ARHGAP12: variants seen among roughly 807,000 people sequenced by gnomAD.
The protein encoded by ARHGAP12 is rho GTPase-activating protein 12.
Under a neutral mutation model 108.6 loss-of-function variants are expected in ARHGAP12, and 64 were observed. That is an observed-to-expected ratio of 0.59 (90% CI 0.48 to 0.73). The LOEUF is 0.73. ARHGAP12 is among the 30% of genes least tolerant of loss of function. ARHGAP12 has a pLI of 0.00. For missense variants in ARHGAP12, 940 were observed against 1,005.9 expected, an observed-to-expected ratio of 0.93 and a Z score of 0.89; for synonymous variants, 312 against 337.2, an observed-to-expected ratio of 0.93 and a Z score of 0.82.
chr10:31,894,174 T>C (rs1838577572), intron 3 of ARHGAP12, among the ~76,000 whole-genome samples: 1 of 152,166 alleles, frequency 6.6e-6, no homozygotes, highest in Non-Finnish European at 1.5e-5. Context: ...AGCATTCCCT[T>C]TGAAAACTGG....
intron 3 of ARHGAP12, among the ~76,000 whole-genome samples, chr10:31,885,129 A>G (rs377086822): frequency 1.3e-5 from 2 of 152,294 alleles, no homozygotes; most frequent in East Asian, 3.9e-4. Flanking sequence ...CATTTTTGAG[A>G]AAATGTCTAA....
At chr10:31,924,541 T>G (rs1410253477) in intron 1 of ARHGAP12, among the ~76,000 whole-genome samples, 5 of 152,232 alleles carry the variant, frequency 3.3e-5, no homozygotes, top group Non-Finnish European at 5.9e-5. Context: ...GCTTTTGAGA[T>G]TCACTCATGT....
intron 3 of ARHGAP12, among the ~76,000 whole-genome samples, chr10:31,890,358 A>G (rs2132398448): frequency 6.6e-6 from 1 of 152,354 alleles, no homozygotes; most frequent in Middle Eastern, 3.4e-3. Context: ...TGGAACTTCA[A>G]GCATATTTTA....
intron 3 of ARHGAP12, among the ~76,000 whole-genome samples, chr10:31,870,786 T>C (rs1837511148): frequency 6.6e-6 from 1 of 152,136 alleles, no homozygotes; most frequent in African/African-American, 2.4e-5. Context: ...TACCACCCTT[T>C]GTTTAACAAT....
chr10:31,845,863 G>A (rs1836441910), intron 6 of ARHGAP12, among the ~76,000 whole-genome samples: 1 of 152,084 alleles, frequency 6.6e-6, no homozygotes, highest in Admixed American at 6.6e-5. Context: ...TATCCATTTT[G>A]CAAATCTTTT....
intron 10 of ARHGAP12, among the ~76,000 whole-genome samples, chr10:31,827,690 C>A (rs1835668846): frequency 6.6e-6 from 1 of 151,808 alleles, no homozygotes; most frequent in Non-Finnish European, 1.5e-5. Flanking sequence ...ACTCGGGAGG[C>A]TGAGGCAGGA....
chr10:31,811,542 C>CTTTT (rs34453459), intron 15 of ARHGAP12, among the ~76,000 whole-genome samples: 1 of 136,004 alleles, frequency 7.4e-6, no homozygotes, highest in Non-Finnish European at 1.6e-5. Context: ...ATTTGCCAGG[C>CTTTT]TTTTTTTTTT....
rs777110210 is a variant in ARHGAP12 at position 31,861,454 on chromosome 10, G to A, written c.889C>T (p.Arg297Cys). The A allele has an allele frequency of 5.6e-6, 9 of 1,613,990 alleles. No individual in the cohort carries two copies. Among genetic ancestry groups the A allele is most frequent in the Non-Finnish European group, 7.6e-6 (9 of 1,180,020 alleles). Residue 297 changes from arginine (R) to cysteine (C), a missense_variant, in exon 4 of 20, where the codon CGT (arginine) becomes TGT (cysteine). Transcript: ENST00000344936. ...CTGATGCTTGCATCCCGAGTCCAAC[G>A]AGGAGGTTTCCAAGTTCTTTCCTGT... Reference protein sequence around the residue: ...GTQERTWKPPRWTRDASISKG... With the variant: ...GTQERTWKPPCWTRDASISKG...
intron 7 of ARHGAP12, among the ~76,000 whole-genome samples, chr10:31,840,922 CACTT>C (rs1186612637): frequency 6.6e-6 from 1 of 151,898 alleles, no homozygotes; most frequent in South Asian, 2.1e-4. Context: ...ATCCAAATCT[CACTT>C]AAGTATTTTT....
chr10:31,877,103 A>G (rs1416046719), intron 3 of ARHGAP12, among the ~76,000 whole-genome samples: 1 of 152,196 alleles, frequency 6.6e-6, no homozygotes, highest in African/African-American at 2.4e-5. Flanking sequence ...AATGAGAAAA[A>G]TCTGTGGCAG....
At chr10:31,839,849 C>A in intron 7 of ARHGAP12, 138 bp from the exon 8 acceptor site, 1 of 512,406 alleles carries the variant, frequency 2.0e-6, no homozygotes, top group Non-Finnish European at 3.2e-6. Context: ...CAGCTCCAAG[C>A]TAATAAGGTA....
rs1834806830 is a variant in ARHGAP12 at position 31,805,807 on chromosome 10, C to A, written c.*1851G>T. On this transcript the variant is annotated 3_prime_UTR_variant, in exon 20 of 20. Coordinates refer to ENST00000344936, the MANE Select transcript of ARHGAP12 (RefSeq NM_018287.7). Reference sequence around the variant, plus strand: ...TCCTGGTATACAATCACTAAATAAGCAAGATCTAAAGCATATTGTATTATT... The same window carrying A: ...TCCTGGTATACAATCACTAAATAAGAAAGATCTAAAGCATATTGTATTATT... 6.6e-6 allele frequency: 1 copy of A among 152,156 alleles called. No individual in the cohort carries two copies. Among genetic ancestry groups the A allele is most frequent in the South Asian group, 2.1e-4 (1 of 4,804 alleles). The allele number at this position is 152,156 out of a possible 1,614,324, so 9.4% of individuals were successfully genotyped here. A position where few individuals can be genotyped will look rare whatever the true frequency, so the allele number is the denominator to read the frequency against.
chr10:31,864,283 G>GA (rs1436587597), intron 3 of ARHGAP12, among the ~76,000 whole-genome samples: 6 of 151,930 alleles, frequency 3.9e-5, no homozygotes, highest in Non-Finnish European at 8.8e-5. Context: ...TGACAAATTA[G>GA]AAAATATAAC....
intron 3 of ARHGAP12, among the ~76,000 whole-genome samples, chr10:31,873,854 A>G: frequency 6.6e-6 from 1 of 152,258 alleles, no homozygotes. Flanking sequence ...TGGTCAGTAA[A>G]GCAAAGAAAA....
chr10:31,893,365 CAA>C (rs964847963), intron 3 of ARHGAP12, among the ~76,000 whole-genome samples: 8 of 151,798 alleles, frequency 5.3e-5, no homozygotes, highest in Non-Finnish European at 1.0e-4. Flanking sequence ...TAATGAAGAA[CAA>C]AAGAGAGAAG....
intron 19 of ARHGAP12, among the ~76,000 whole-genome samples, chr10:31,808,229 A>C (rs1359028631): frequency 6.6e-6 from 1 of 152,140 alleles, no homozygotes; most frequent in African/African-American, 2.4e-5. Context: ...TAAAAAAAAA[A>C]AACTCTCTCT....
intron 12 of ARHGAP12, among the ~76,000 whole-genome samples, chr10:31,818,512 C>T (rs529090030): frequency 3.2e-4 from 49 of 152,234 alleles, no homozygotes; most frequent in African/African-American, 1.1e-3. Flanking sequence ...CTCTGTTTTG[C>T]AGTTTCTTAA....
chr10:31,827,486 T>C (rs745927322), intron 10 of ARHGAP12, among the ~76,000 whole-genome samples: 15 of 152,124 alleles, frequency 9.9e-5, no homozygotes, highest in Non-Finnish European at 1.8e-4. Flanking sequence ...GCCAAACATA[T>C]GGCCAATTTT....
intron 3 of ARHGAP12, among the ~76,000 whole-genome samples, chr10:31,895,862 G>T (rs1838664620): frequency 6.6e-6 from 1 of 152,140 alleles, no homozygotes; most frequent in Admixed American, 6.5e-5. Flanking sequence ...ATGATAGACT[G>T]CATTAAGAAA....
Sources: gnomAD v4.1 joint callset for allele counts (sites outside exome capture counted in the v4.1 genomes callset) on GRCh38, gnomAD v4.1.1 for gene constraint, MANE v1.5 for transcripts, NCBI Gene and HGNC (gene_info 2026-07-23, HGNC 2026-07-21) for gene names.